ADAMTS2: variants seen among roughly 807,000 people sequenced by gnomAD.
ADAMTS2 encodes the protein A disintegrin and metalloproteinase with thrombospondin motifs 2.
A neutral mutation model predicts 123.0 loss-of-function variants in ADAMTS2; 50 were observed. The ratio of observed to expected loss-of-function variants is 0.41; its 90% CI spans 0.32 to 0.51. The LOEUF (loss-of-function observed/expected upper bound fraction) is 0.51. Ranked by LOEUF, ADAMTS2 falls within the 20% of genes least tolerant of loss-of-function variation. The probability of loss-of-function intolerance (pLI) is 0.35; values close to 1 mark genes in which losing one functional copy is unlikely to be tolerated. For synonymous variants in ADAMTS2, 678 were observed against 695.4 expected, an observed-to-expected ratio of 0.98 and a Z score of 0.39; for missense variants, 1,494 against 1,705.2, an observed-to-expected ratio of 0.88 and a Z score of 2.18.
intron 3 of ADAMTS2, among the ~76,000 whole-genome samples, chr5:179,246,362 A>T (rs1021467835): frequency 6.6e-6 from 1 of 152,200 alleles, no homozygotes; most frequent in Non-Finnish European, 1.5e-5. Context: ...GGTTTCCCAG[A>T]CAGTGTTTGT....
At chr5:179,167,918 T>C (rs1449063124) in intron 5 of ADAMTS2, among the ~76,000 whole-genome samples, 3 of 152,180 alleles carry the variant, frequency 2.0e-5, no homozygotes, top group African/African-American at 7.2e-5. Context: ...CACCAGTCCC[T>C]GGGGACTGGC....
At chr5:179,268,636 G>A (rs541391014) in intron 3 of ADAMTS2, among the ~76,000 whole-genome samples, 10 of 152,338 alleles carry the variant, frequency 6.6e-5, no homozygotes, top group East Asian at 3.9e-4. Flanking sequence ...CCCTTAACGC[G>A]GGCGGTGGGG....
chr5:179,288,655 T>C (rs1310990628), intron 2 of ADAMTS2, among the ~76,000 whole-genome samples: 2 of 152,212 alleles, frequency 1.3e-5, no homozygotes, highest in Non-Finnish European at 2.9e-5. Context: ...CTGTGGGTGG[T>C]TGGCCCACTG....
chr5:179,191,404 C>A (rs568758144), intron 4 of ADAMTS2, among the ~76,000 whole-genome samples: 65 of 152,228 alleles, frequency 4.3e-4, no homozygotes, highest in Non-Finnish European at 8.1e-4. Context: ...GTCTCAGAGG[C>A]TGTGTGGCCC....
chr5:179,323,619 G>A (rs1484263789), intron 2 of ADAMTS2, among the ~76,000 whole-genome samples: 1 of 152,248 alleles, frequency 6.6e-6, no homozygotes, highest in African/African-American at 2.4e-5. Flanking sequence ...ACTGAAAGCT[G>A]CCATTCCCTT....
chr5:179,283,199 A>G (rs780136451), intron 2 of ADAMTS2, among the ~76,000 whole-genome samples: 9 of 152,146 alleles, frequency 5.9e-5, no homozygotes, highest in Non-Finnish European at 1.0e-4. Context: ...AGGGTTACAA[A>G]TCAGAAGACA....
At chr5:179,320,512 G>A (rs1009878458) in intron 2 of ADAMTS2, among the ~76,000 whole-genome samples, 2 of 150,664 alleles carry the variant, frequency 1.3e-5, no homozygotes, top group African/African-American at 4.9e-5. Context: ...TAGAGACGAG[G>A]TTTCACCATT....
At chr5:179,269,864 A>T (rs896691823) in intron 3 of ADAMTS2, among the ~76,000 whole-genome samples, 8 of 152,088 alleles carry the variant, frequency 5.3e-5, no homozygotes, top group Admixed American at 3.9e-4. Context: ...GGACACCTCA[A>T]CCACTGCTCC....
At chr5:179,288,973 G>A (rs1047469181) in intron 2 of ADAMTS2, among the ~76,000 whole-genome samples, 17 of 152,226 alleles carry the variant, frequency 1.1e-4, no homozygotes, top group African/African-American at 3.6e-4. Context: ...TGCCAAGCCC[G>A]GGATCTCAGG....
At chr5:179,173,572 T>TTGTTTGC (rs2113297245) in intron 5 of ADAMTS2, among the ~76,000 whole-genome samples, 1 of 152,344 alleles carries the variant, frequency 6.6e-6, no homozygotes, top group South Asian at 2.1e-4. Context: ...ACAATATAGG[T>TTGTTTGC]TGTTTGCTGT....
chr5:179,208,214 C>T (rs571341080), intron 3 of ADAMTS2, among the ~76,000 whole-genome samples: 2 of 61,582 alleles, frequency 3.2e-5, no homozygotes, highest in Non-Finnish European at 6.1e-5. Context: ...CTGCCAGGTG[C>T]CAAAGGACTG....
chr5:179,279,223 C>T (rs1455828583), intron 2 of ADAMTS2, among the ~76,000 whole-genome samples: 1 of 152,040 alleles, frequency 6.6e-6, no homozygotes, highest in Non-Finnish European at 1.5e-5. Flanking sequence ...AACAATCAAG[C>T]ATAGAAGGCA....
intron 2 of ADAMTS2, among the ~76,000 whole-genome samples, chr5:179,313,010 T>C (rs1338811110): frequency 6.6e-6 from 1 of 152,140 alleles, no homozygotes; most frequent in African/African-American, 2.4e-5. Context: ...GCAGCAGTGT[T>C]GTCAGTGAGC....
At chr5:179,134,197 C>T (rs770437975) in intron 13 of ADAMTS2, among the ~76,000 whole-genome samples, 3 of 152,280 alleles carry the variant, frequency 2.0e-5, no homozygotes, top group South Asian at 2.1e-4. Context: ...TTTTTCAAAA[C>T]GTCCTATGTC....
At chr5:179,288,615 G>A (rs1373717060) in intron 2 of ADAMTS2, among the ~76,000 whole-genome samples, 15 of 152,358 alleles carry the variant, frequency 9.8e-5, no homozygotes, top group Admixed American at 9.8e-4. Context: ...TCTAGAGCCA[G>A]GACAGCAGCC....
At chr5:179,126,933 G>A (rs1300510365) in intron 17 of ADAMTS2, among the ~76,000 whole-genome samples, 5 of 152,232 alleles carry the variant, frequency 3.3e-5, no homozygotes, top group African/African-American at 1.2e-4. Flanking sequence ...TAAGGCCGGC[G>A]TGGCCAGGAC....
chr5:179,129,895 CG>C lies in ADAMTS2; in HGVS notation c.2457+36del, dbSNP rs1202714346. On this transcript the variant is annotated intron_variant, in intron 16 of 21. Coordinates refer to ENST00000251582, the MANE Select transcript of ADAMTS2 (RefSeq NM_014244.5). The surrounding 1 kb of genome is among the most constrained non-coding windows in gnomAD (Gnocchi z 4.1). ...CCCCATCCCTCCCCCAGTGGCCACC[CG>C]CACCCTTCCCTGGGCCCAGCCCTGC... 1 of 1,612,300 alleles carries C rather than the reference CG, an allele frequency of 6.2e-7. No homozygotes were observed. Among genetic ancestry groups the C allele is most frequent in the African/African-American group, 1.3e-5 (1 of 74,924 alleles).
At chr5:179,333,245 C>T (rs1440393006) in intron 2 of ADAMTS2, among the ~76,000 whole-genome samples, 1 of 152,204 alleles carries the variant, frequency 6.6e-6, no homozygotes, top group Non-Finnish European at 1.5e-5. Flanking sequence ...CCTCTGCTCC[C>T]TCACTGACAC....
chr5:179,214,280 C>T (rs572940510), intron 3 of ADAMTS2, among the ~76,000 whole-genome samples: 16 of 119,968 alleles, frequency 1.3e-4, no homozygotes, highest in African/African-American at 4.2e-4. Context: ...ACTCAAAAGC[C>T]GTGCCCACAA....
Sources: allele counts gnomAD v4.1 joint callset (sites outside exome capture counted in the v4.1 genomes callset), GRCh38; gene constraint gnomAD v4.1.1; non-coding constraint Gnocchi (gnomAD v3.1); transcripts MANE v1.5; gene names NCBI Gene and HGNC (gene_info 2026-07-23, HGNC 2026-07-21).